The following GOSR2 variants were observed in gnomAD, a reference collection of about 807,000 sequenced individuals.
GOSR2 encodes the protein golgi SNAP receptor complex member 2.
In GOSR2, 20 loss-of-function variants were observed where a neutral mutation model predicts 27.9. That is an observed-to-expected ratio of 0.72 (90% CI 0.50 to 1.04). GOSR2 has a LOEUF of 1.04. GOSR2 is among the 50% of genes least tolerant of loss of function. The probability of loss-of-function intolerance (pLI) is 0.00; values close to 1 mark genes in which losing one functional copy is unlikely to be tolerated. For missense variants in GOSR2, 261 were observed against 270.5 expected (o/e 0.97, Z 0.25); for synonymous variants, 91 against 98.8 (o/e 0.92, Z 0.47).
intron 1 of GOSR2, among the ~76,000 whole-genome samples, chr17:46,925,314 T>C (rs2086327900): frequency 6.6e-6 from 1 of 152,238 alleles, no homozygotes; most frequent in South Asian, 2.1e-4. Flanking sequence ...CCACAACTAT[T>C]AGGCCCTCTG....
chr17:46,957,348 C>T (rs2090785957), intron 6 of GOSR2, among the ~76,000 whole-genome samples: 1 of 152,192 alleles, frequency 6.6e-6, no homozygotes, highest in Non-Finnish European at 1.5e-5. Flanking sequence ...CGCTGTGGCT[C>T]ACGCCTGTAT....
At chr17:46,974,521 T>C (rs533741987) in intron 6 of GOSR2, among the ~76,000 whole-genome samples, 1 of 152,098 alleles carries the variant, frequency 6.6e-6, no homozygotes, top group East Asian at 1.9e-4. Context: ...GATCACAAGG[T>C]CAGGAGATCG....
chr17:46,932,306 T>G lies in GOSR2; in HGVS notation c.336+107T>G, dbSNP rs771053879. 15 of 1,333,004 alleles carry G rather than the reference T, an allele frequency of 1.1e-5. No homozygotes were observed. The South Asian group carries it at 1.5e-4, about 14-fold the overall frequency. 82.6% of individuals were successfully genotyped at this position (1,333,004 alleles called of 1,614,324 possible). ...TTTGGGGGTGTCTGAAGAAGACTGA[T>G]GATGAGGAAACCAACTGGAAATGAC... On this transcript the variant is annotated intron_variant, in intron 4 of 5. Coordinates refer to ENST00000640051, the MANE Select transcript of GOSR2 (RefSeq NM_004287.5).
At chr17:46,945,535 T>A (rs768434551), downstream of GOSR2, among the ~76,000 whole-genome samples, 24 of 152,220 alleles carry the variant, frequency 1.6e-4, no homozygotes, top group Non-Finnish European at 3.1e-4. Context: ...CAGTTTCCTG[T>A]CTGTATTCAG....
At chr17:46,972,433 C>G (rs576530754) in intron 6 of GOSR2, among the ~76,000 whole-genome samples, 2 of 152,342 alleles carry the variant, frequency 1.3e-5, no homozygotes, top group African/African-American at 4.8e-5. Flanking sequence ...GGAAAGGATT[C>G]CCAGCAAAGG....
In GOSR2 at chr17:46,940,721, G is replaced by T; in HGVS notation, c.*1961G>T. 1 of 1,598,000 alleles carries T rather than the reference G, an allele frequency of 6.3e-7. No homozygotes were observed. The highest frequency in any genetic ancestry group is 8.5e-7 in the Non-Finnish European group (1 of 1,175,742). On this transcript the variant is annotated 3_prime_UTR_variant, in exon 6 of 6. Transcript: ENST00000640051. ...ACCAGTGCTTTCCACACTTGACAGT[G>T]GTTGGCTTTGATGAACCCTCATGCT...
Position 46,940,344 on chromosome 17 carries a change from G to A in GOSR2, c.*1584G>A. 1 of 1,476,350 alleles carries A rather than the reference G, an allele frequency of 6.8e-7. No homozygotes were observed. The highest frequency in any genetic ancestry group is 9.0e-7 in the Non-Finnish European group (1 of 1,115,380). The allele number at this position is 1,476,350 out of a possible 1,614,324, so 91.5% of individuals were successfully genotyped here. On this transcript the variant is annotated 3_prime_UTR_variant, in exon 6 of 6. Coordinates refer to ENST00000640051, the MANE Select transcript of GOSR2 (RefSeq NM_004287.5). ...GAGCAATCTGTGACTCCTAAAATGG[G>A]TTGGGGCCCTGCCAGAGTTAAAGCA...
chr17:46,965,579 G>C (rs2091277611), intron 6 of GOSR2, among the ~76,000 whole-genome samples: 1 of 151,964 alleles, frequency 6.6e-6, no homozygotes, highest in African/African-American at 2.4e-5. Context: ...CGTGGTTTCT[G>C]CTCCACCCAG....
At chr17:46,959,905 C>T (rs1339821429) in intron 6 of GOSR2, among the ~76,000 whole-genome samples, 2 of 152,154 alleles carry the variant, frequency 1.3e-5, no homozygotes, top group Non-Finnish European at 2.9e-5. Flanking sequence ...GAGAGCTCCT[C>T]TAAAGGAATT....
chr17:46,952,640 T>A (rs904788568), intron 6 of GOSR2: 1 of 152,128 alleles, frequency 6.6e-6, no homozygotes, highest in African/African-American at 2.4e-5. Context: ...GGAGACATCT[T>A]AACCTGAAGG....
chr17:46,971,863 GC>G (rs1470027060), downstream of GOSR2, among the ~76,000 whole-genome samples: 2 of 152,210 alleles, frequency 1.3e-5, no homozygotes, highest in African/African-American at 2.4e-5. Context: ...TGTGTTCTGG[GC>G]CACACCTGTT....
At position 46,941,035 on chromosome 17, in the gene GOSR2, G is replaced by T; in HGVS notation, c.*2275G>T. On this transcript the variant is annotated 3_prime_UTR_variant, in exon 6 of 6. Transcript: ENST00000640051. ...AGGCGGGGGTGAATTCTTAGGTCGA[G>T]CTGATGCAAGAAACTCCGGTAGCCA... The T allele has an allele frequency of 9.2e-7, 1 of 1,091,990 alleles. No homozygotes were observed. Among genetic ancestry groups the T allele is most frequent in the Non-Finnish European group, 1.1e-6 (1 of 892,816 alleles). The allele number at this position is 1,091,990 out of a possible 1,614,324, so 67.6% of individuals were successfully genotyped here.
At chr17:46,936,920 C>A in intron 5 of GOSR2, 2 of 547,796 alleles carry the variant, frequency 3.7e-6, no homozygotes, top group Non-Finnish European at 4.6e-6. Flanking sequence ...TAATGTTGAT[C>A]TCACTTTCCT....
chr17:46,948,752 G>A (rs978336115), intron 6 of GOSR2: 1 of 152,246 alleles, frequency 6.6e-6, no homozygotes, highest in African/African-American at 2.4e-5. Flanking sequence ...AAGAACTGTG[G>A]ATGTGGGGCA....
chr17:46,934,702 A>G (rs764957420), intron 4 of GOSR2, among the ~76,000 whole-genome samples: 1 of 152,234 alleles, frequency 6.6e-6, no homozygotes, highest in Non-Finnish European at 1.5e-5. Flanking sequence ...AGTCAGAGAA[A>G]GCCTTTAGGA....
intron 6 of GOSR2, among the ~76,000 whole-genome samples, chr17:46,974,235 C>T (rs981140021): frequency 2.0e-5 from 3 of 152,218 alleles, no homozygotes; most frequent in East Asian, 1.9e-4. Flanking sequence ...GTTTCTGGGG[C>T]GCTGGCCAGG....
At chr17:46,946,078 A>G (rs2089836135), downstream of GOSR2, among the ~76,000 whole-genome samples, 1 of 151,954 alleles carries the variant, frequency 6.6e-6, no homozygotes, top group Non-Finnish European at 1.5e-5. Context: ...AGCTGTGGCC[A>G]CCTCCTTAGG....
chr17:46,941,481 T>C lies in GOSR2; in HGVS notation c.*2721T>C, dbSNP rs1328586374. On this transcript the variant is annotated 3_prime_UTR_variant, in exon 6 of 6. Coordinates refer to ENST00000640051, the MANE Select transcript of GOSR2 (RefSeq NM_004287.5). Reference sequence around the variant, plus strand: ...CATGGCCAGGGGCTGGGCTGGCTGCTTCAGAAGCAGTGGGGAAGCTTTTTA... The same window carrying C: ...CATGGCCAGGGGCTGGGCTGGCTGCCTCAGAAGCAGTGGGGAAGCTTTTTA... The C allele has an allele frequency of 2.1e-6, 2 of 959,028 alleles. No individual in the cohort carries two copies. Among genetic ancestry groups the C allele is most frequent in the Non-Finnish European group, 2.5e-6 (2 of 805,894 alleles). The allele number at this position is 959,028 out of a possible 1,614,324, so 59.4% of individuals were successfully genotyped here.
intron 6 of GOSR2, among the ~76,000 whole-genome samples, chr17:46,974,890 C>CA (rs1168466907): frequency 1.3e-5 from 2 of 151,934 alleles, no homozygotes; most frequent in African/African-American, 4.8e-5. Context: ...AGTGGAAGCT[C>CA]AGTGTTTGGC....
Sources: allele counts gnomAD v4.1 joint callset (sites outside exome capture counted in the v4.1 genomes callset), GRCh38; gene constraint gnomAD v4.1.1; transcripts MANE v1.5; gene names NCBI Gene and HGNC (gene_info 2026-07-23, HGNC 2026-07-21).